Variants in ANKRD12 observed in about 807,000 individuals in gnomAD.
ANKRD12 encodes ankyrin repeat domain 12.
Under a neutral mutation model 183.4 loss-of-function variants are expected in ANKRD12, and 85 were observed. The observed-to-expected ratio is 0.46, with a 90% confidence interval of 0.39 to 0.56. ANKRD12 has a LOEUF of 0.56. ANKRD12 is among the 20% of genes least tolerant of loss of function. The probability of loss-of-function intolerance (pLI) is 0.00; values close to 1 mark genes in which losing one functional copy is unlikely to be tolerated. For synonymous variants in ANKRD12, 914 were observed against 800.2 expected (o/e 1.14, Z -2.40); for missense variants, 2,405 against 2,357.1 (o/e 1.02, Z -0.42).
intron 1 of ANKRD12, among the ~76,000 whole-genome samples, chr18:9,180,051 A>G (rs989895342): frequency 6.6e-6 from 1 of 152,194 alleles, no homozygotes; most frequent in Non-Finnish European, 1.5e-5. Context: ...TAAAAAGTAT[A>G]ATAGTTGAAG....
At chr18:9,187,489 T>A (rs1449464453) in intron 2 of ANKRD12, among the ~76,000 whole-genome samples, 1 of 152,198 alleles carries the variant, frequency 6.6e-6, no homozygotes, top group Non-Finnish European at 1.5e-5. Context: ...ATATTGCTGT[T>A]ATGAGGTCCT....
intron 1 of ANKRD12, among the ~76,000 whole-genome samples, chr18:9,146,356 C>T (rs1162631860): frequency 6.6e-6 from 1 of 151,966 alleles, no homozygotes; most frequent in Non-Finnish European, 1.5e-5. Context: ...GAGTTTGAGC[C>T]CAGCCTGGGC....
rs201905402 is a variant in ANKRD12, at chr18:9,255,442, A to G, written c.2175A>G (p.Lys725=). 38 of 1,573,526 alleles carry G rather than the reference A, an allele frequency of 2.4e-5. No homozygotes were observed. The highest frequency in any genetic ancestry group is 3.2e-5 in the Non-Finnish European group (37 of 1,168,446). ...HESLTLEKKS[K]LEKNIKDDKS... ...CCTTAACATTAGAAAAAAAATCAAA[A>G]TTGGAAAAAAACATCAAAGATGATA... The change falls in exon 9 of 13, where the codon AAA becomes AAG. Residue 725 remains lysine, a synonymous_variant. Transcript: ENST00000262126.
chr18:9,190,445 ATAATT>A (rs1435508211), intron 2 of ANKRD12, among the ~76,000 whole-genome samples: 1 of 152,242 alleles, frequency 6.6e-6, no homozygotes, highest in African/African-American at 2.4e-5. Context: ...ATGACAGCAA[ATAATT>A]TAGTATATTA....
intron 1 of ANKRD12, among the ~76,000 whole-genome samples, chr18:9,171,884 G>A (rs114886603): frequency 6.6e-6 from 1 of 151,952 alleles, no homozygotes; most frequent in African/African-American, 2.4e-5. Flanking sequence ...GCTGGGTGTG[G>A]TGGCATACAC....
intron 2 of ANKRD12, among the ~76,000 whole-genome samples, chr18:9,188,420 G>A (rs2034245293): frequency 6.6e-6 from 1 of 152,158 alleles, no homozygotes; most frequent in South Asian, 2.1e-4. Context: ...CCCATGAAAA[G>A]ATAGTCCAGG....
chr18:9,137,763 G>A (rs983461260), intron 1 of ANKRD12: 33 of 152,294 alleles, frequency 2.2e-4, no homozygotes, highest in African/African-American at 7.5e-4. Flanking sequence ...CACTTGTGAT[G>A]CTTCAAGACC....
At chr18:9,211,501 T>A (rs2035802169) in intron 5 of ANKRD12, 83 bp from the exon 6 acceptor site, 2 of 1,253,422 alleles carry the variant, frequency 1.6e-6, no homozygotes, top group Non-Finnish European at 2.2e-6. Context: ...TTCAGGAGAT[T>A]AGCATATTAC....
Position 9,254,773 on chromosome 18 carries a change from C to CT in ANKRD12, c.1508dup (p.Leu503PhefsTer20). 6.8e-7 allele frequency: 1 copy of CT among 1,468,790 alleles called. No individual in the cohort carries two copies. Among genetic ancestry groups the CT allele is most frequent in the Non-Finnish European group, 9.0e-7 (1 of 1,110,850 alleles). The allele number at this position is 1,468,790 out of a possible 1,614,324, so 91.0% of individuals were successfully genotyped here. ...GAAAAGAAAATACAAGAATAACAAA[C>CT]TTGACAGTAAATACTGGACTAGATT... On this transcript the variant is annotated frameshift_variant, in exon 9 of 13. Transcript: ENST00000262126. LOFTEE classifies it high-confidence loss of function.
intron 8 of ANKRD12, among the ~76,000 whole-genome samples, chr18:9,251,744 C>A (rs558934860): frequency 6.6e-6 from 1 of 151,850 alleles, no homozygotes; most frequent in Non-Finnish European, 1.5e-5. Flanking sequence ...CAGTGAGCCA[C>A]GATCACGCCA....
At chr18:9,165,889 G>A (rs138651594) in intron 1 of ANKRD12, among the ~76,000 whole-genome samples, 5 of 107,398 alleles carry the variant, frequency 4.7e-5, no homozygotes, top group African/African-American at 1.9e-4. Flanking sequence ...CCCCACAACA[G>A]TCCCTGGTGT....
chr18:9,216,976 C>A, intron 7 of ANKRD12, 76 bp downstream of exon 7: 1 of 1,370,276 alleles, frequency 7.3e-7, no homozygotes, highest in Non-Finnish European at 1.0e-6. Flanking sequence ...TCATTCACTT[C>A]TTAGTCATAT....
chr18:9,159,041 G>A (rs184778278), intron 1 of ANKRD12, among the ~76,000 whole-genome samples: 100 of 152,140 alleles, frequency 6.6e-4, no homozygotes, highest in African/African-American at 2.3e-3. Flanking sequence ...TACTTATTGA[G>A]TACTTCCTTT....
chr18:9,218,485 A>C (rs897522892), intron 7 of ANKRD12, among the ~76,000 whole-genome samples: 1 of 152,124 alleles, frequency 6.6e-6, no homozygotes, highest in Non-Finnish European at 1.5e-5. Context: ...TCTTTCTTTC[A>C]GTAATAGTCA....
At chr18:9,226,712 A>T (rs532214457) in intron 8 of ANKRD12, among the ~76,000 whole-genome samples, 9 of 152,274 alleles carry the variant, frequency 5.9e-5, no homozygotes, top group Admixed American at 2.0e-4. Flanking sequence ...TTACATCATC[A>T]AAGGAAGGAG....
chr18:9,161,627 C>T (rs912948840), intron 1 of ANKRD12, among the ~76,000 whole-genome samples: 3 of 151,934 alleles, frequency 2.0e-5, no homozygotes, highest in African/African-American at 4.8e-5. Flanking sequence ...CCGCCCGCCT[C>T]GGCCTTCCAA....
intron 3 of ANKRD12, among the ~76,000 whole-genome samples, chr18:9,202,137 TTTAAAAAGATAATGTG>T (rs2035209767): frequency 2.0e-5 from 3 of 152,194 alleles, no homozygotes; most frequent in Non-Finnish European, 4.4e-5. Flanking sequence ...TTTTTGGCAT[TTTAAAAAGATAATGTG>T]TTATGAGAAA....
intron 2 of ANKRD12, among the ~76,000 whole-genome samples, chr18:9,192,486 A>C (rs139927664): frequency 6.6e-6 from 1 of 152,214 alleles, no homozygotes; most frequent in Non-Finnish European, 1.5e-5. Flanking sequence ...ATTTTTGTCT[A>C]TAATTTTGTA....
At chr18:9,173,036 C>T (rs1289230846) in intron 1 of ANKRD12, among the ~76,000 whole-genome samples, 1 of 150,228 alleles carries the variant, frequency 6.7e-6, no homozygotes, top group Admixed American at 6.6e-5. Context: ...GGATTATAGG[C>T]GTGAGCCACT....
Sources: allele counts gnomAD v4.1 joint callset (sites outside exome capture counted in the v4.1 genomes callset), GRCh38; gene constraint gnomAD v4.1.1; transcripts MANE v1.5; gene names NCBI Gene and HGNC (gene_info 2026-07-23, HGNC 2026-07-21).